The following NPAS3 variants were observed in gnomAD, a reference collection of about 807,000 sequenced individuals.
NPAS3 encodes neuronal PAS domain protein 3.
A neutral mutation model predicts 73.1 loss-of-function variants in NPAS3; 14 were observed. That is an observed-to-expected ratio of 0.19 (90% confidence interval 0.13 to 0.30). NPAS3 has a LOEUF of 0.30. Ranked by LOEUF, NPAS3 falls within the 10% of genes least tolerant of loss-of-function variation. The pLI is 1.00. For synonymous variants in NPAS3, 620 were observed against 541.5 expected (o/e 1.14, Z -2.01); for missense variants, 1,096 against 1,250.0 (o/e 0.88, Z 1.86).
intron 7 of NPAS3, among the ~76,000 whole-genome samples, chr14:33,738,094 C>T (rs1435815617): frequency 2.0e-5 from 3 of 152,204 alleles, no homozygotes; most frequent in Non-Finnish European, 2.9e-5. Flanking sequence ...GTGCCACATG[C>T]TTCACAGTTA....
At chr14:33,792,601 A>G (rs1240425495) in intron 9 of NPAS3, among the ~76,000 whole-genome samples, 1 of 149,048 alleles carries the variant, frequency 6.7e-6, no homozygotes, top group Non-Finnish European at 1.5e-5. Context: ...AAAAAAAAAA[A>G]TCTAAATGTA....
intron 5 of NPAS3, among the ~76,000 whole-genome samples, chr14:33,652,890 C>G (rs991741160): frequency 1.3e-4 from 14 of 111,422 alleles, no homozygotes; most frequent in Non-Finnish European, 2.1e-4. Context: ...GTATTCACCC[C>G]CATTTCTCAC....
At chr14:33,367,593 G>A (rs1217564367) in intron 4 of NPAS3, among the ~76,000 whole-genome samples, 3 of 151,860 alleles carry the variant, frequency 2.0e-5, no homozygotes, top group Non-Finnish European at 4.4e-5. Context: ...GTGGATCTGT[G>A]TGTGTCTTTG....
intron 1 of NPAS3, among the ~76,000 whole-genome samples, chr14:32,997,032 C>T (rs2038605565): frequency 6.6e-6 from 1 of 152,148 alleles, no homozygotes. Context: ...TGGAGTTGCC[C>T]AAGACCATGG....
chr14:32,969,681 T>G (rs1191064861), intron 1 of NPAS3, among the ~76,000 whole-genome samples: 1 of 152,168 alleles, frequency 6.6e-6, no homozygotes, highest in Non-Finnish European at 1.5e-5. Context: ...GTGCCACTTC[T>G]GAATCTCAGC....
intron 1 of NPAS3, among the ~76,000 whole-genome samples, chr14:32,989,306 TC>T (rs1482316309): frequency 6.6e-6 from 1 of 152,112 alleles, no homozygotes; most frequent in Non-Finnish European, 1.5e-5. Context: ...ACAGAGGTAG[TC>T]CTATACAGGA....
At chr14:33,704,834 T>C (rs1455485338) in intron 6 of NPAS3, among the ~76,000 whole-genome samples, 1 of 152,166 alleles carries the variant, frequency 6.6e-6, no homozygotes, top group Non-Finnish European at 1.5e-5. Context: ...ATGGAGAGTT[T>C]AGAAGAAAAG....
At chr14:33,730,023 A>G (rs999609602) in intron 6 of NPAS3, among the ~76,000 whole-genome samples, 3 of 152,298 alleles carry the variant, frequency 2.0e-5, no homozygotes, top group East Asian at 1.9e-4. Context: ...GTTACTATAT[A>G]TATACAGACA....
chr14:32,989,636 C>G (rs929148188), intron 1 of NPAS3, among the ~76,000 whole-genome samples: 2 of 150,998 alleles, frequency 1.3e-5, no homozygotes, highest in East Asian at 1.9e-4. Flanking sequence ...CAGCGAGACT[C>G]GGTCTCAAAC....
intron 4 of NPAS3, among the ~76,000 whole-genome samples, chr14:33,490,981 A>G (rs1171081597): frequency 6.6e-6 from 1 of 152,220 alleles, no homozygotes; most frequent in Non-Finnish European, 1.5e-5. Context: ...CAGCAGCAGC[A>G]GCAGCAACAG....
At chr14:33,207,256 C>T (rs1424782658) in intron 2 of NPAS3, among the ~76,000 whole-genome samples, 1 of 14,016 alleles carries the variant, frequency 7.1e-5, no homozygotes, top group African/African-American at 1.9e-4. Context: ...CACACACACA[C>T]ACACACACAC....
chr14:33,480,135 C>A (rs566485766), intron 4 of NPAS3, among the ~76,000 whole-genome samples: 1 of 152,156 alleles, frequency 6.6e-6, no homozygotes, highest in Non-Finnish European at 1.5e-5. Flanking sequence ...GGAATTGCAA[C>A]ACAAAGCCTG....
At chr14:33,227,629 T>A (rs1208497128) in intron 3 of NPAS3, among the ~76,000 whole-genome samples, 2 of 152,188 alleles carry the variant, frequency 1.3e-5, no homozygotes, top group Non-Finnish European at 2.9e-5. Flanking sequence ...GTCTCCTGTG[T>A]CTCTAATCTC....
intron 3 of NPAS3, among the ~76,000 whole-genome samples, chr14:33,304,557 T>G (rs1192128085): frequency 2.0e-5 from 3 of 151,868 alleles, no homozygotes; most frequent in African/African-American, 7.3e-5. Context: ...CATAAGAAAT[T>G]TGGATTAAGA....
chr14:33,594,621 C>A (rs897623710), intron 5 of NPAS3, among the ~76,000 whole-genome samples: 6 of 152,138 alleles, frequency 3.9e-5, no homozygotes, highest in Non-Finnish European at 7.3e-5. Context: ...CAGCCTCCTG[C>A]TGGCCCAGGA....
intron 4 of NPAS3, among the ~76,000 whole-genome samples, chr14:33,443,310 T>C (rs1327623251): frequency 6.6e-6 from 1 of 152,228 alleles, no homozygotes; most frequent in Non-Finnish European, 1.5e-5. Flanking sequence ...CACCAAGATT[T>C]GTAATGCATG....
chr14:33,460,290 C>A (rs1220488975), intron 4 of NPAS3, among the ~76,000 whole-genome samples: 1 of 152,142 alleles, frequency 6.6e-6, no homozygotes, highest in East Asian at 1.9e-4. Context: ...CCCTCACTTC[C>A]CTCTGGGCAG....
intron 2 of NPAS3, among the ~76,000 whole-genome samples, chr14:33,077,691 C>T (rs2138693190): frequency 6.8e-6 from 1 of 147,196 alleles, no homozygotes; most frequent in Admixed American, 6.9e-5. Context: ...ACTTTCAAGA[C>T]TTGATTTAAT....
chr14:33,173,166 T>A (rs759805695), intron 2 of NPAS3, among the ~76,000 whole-genome samples: 1 of 152,216 alleles, frequency 6.6e-6, no homozygotes, highest in Admixed American at 6.5e-5. Flanking sequence ...TTGGAAATCA[T>A]TAGGTTGCAT....
Sources: allele counts gnomAD v4.1 joint callset (sites outside exome capture counted in the v4.1 genomes callset), GRCh38; gene constraint gnomAD v4.1.1; transcripts MANE v1.5; gene names NCBI Gene and HGNC (gene_info 2026-07-23, HGNC 2026-07-21).